CCDC39: variants seen among roughly 807,000 people sequenced by gnomAD.
The protein encoded by CCDC39 is coiled-coil domain-containing protein 39.
Under a neutral mutation model 121.0 loss-of-function variants are expected in CCDC39, and 113 were observed. That is an observed-to-expected ratio of 0.93 (90% CI 0.80 to 1.09). The LOEUF is 1.09. Ranked by LOEUF, CCDC39 falls within the 50% of genes least tolerant of loss-of-function variation. The pLI is 0.00. For synonymous variants in CCDC39, 349 were observed against 352.2 expected, an observed-to-expected ratio of 0.99 and a Z score of 0.10; for missense variants, 1,063 against 1,074.7, an observed-to-expected ratio of 0.99 and a Z score of 0.15.
intron 14 of CCDC39, among the ~76,000 whole-genome samples, chr3:180,626,222 T>C (rs1457207354): frequency 1.3e-5 from 2 of 152,122 alleles, no homozygotes; most frequent in South Asian, 2.1e-4. Context: ...CTTCAGACTC[T>C]AGCAGGACTG....
rs927484765 is a variant in CCDC39, at chr3:180,614,621, C to T, written c.*300G>A. The T allele has an allele frequency of 1.8e-4, 46 of 257,922 alleles. No individual in the cohort carries two copies. Among genetic ancestry groups the T allele is most frequent in the Non-Finnish European group, 3.1e-4 (42 of 136,328 alleles). The allele number at this position is 257,922 out of a possible 1,614,324, so 16.0% of individuals were successfully genotyped here. A position where few individuals can be genotyped will look rare whatever the true frequency, so the allele number is the denominator to read the frequency against. On this transcript the variant is annotated 3_prime_UTR_variant, in exon 20 of 20. Transcript: ENST00000476379. ...GTTACATTAGAAGTGAGTGTAGTTT[C>T]GTGAAATAATGAAGCAAACTATTTT...
intron 14 of CCDC39, among the ~76,000 whole-genome samples, chr3:180,626,916 C>G (rs532920442): frequency 6.6e-6 from 1 of 152,320 alleles, no homozygotes; most frequent in South Asian, 2.1e-4. Context: ...TGGCAAAATC[C>G]TAAATCTACT....
At chr3:180,662,064 A>T (rs1402898961) in intron 2 of CCDC39, 57 bp from the exon 3 acceptor site, 1 of 1,438,618 alleles carries the variant, frequency 7.0e-7, no homozygotes, top group Non-Finnish European at 9.3e-7. Context: ...TTTTGAATAC[A>T]AATATTTATA....
chr3:180,617,010 G>T, intron 16 of CCDC39, 44 bp from the exon 17 acceptor site: 2 of 1,052,924 alleles, frequency 1.9e-6, no homozygotes, highest in Non-Finnish European at 1.3e-6. Context: ...ATCAGAAATT[G>T]ACTTTTATAA....
chr3:180,624,318 A>T (rs994993540), intron 14 of CCDC39, among the ~76,000 whole-genome samples: 3 of 152,080 alleles, frequency 2.0e-5, no homozygotes, highest in African/African-American at 7.2e-5. Flanking sequence ...CAATAAGGTG[A>T]GTTTCATATA....
intron 14 of CCDC39, among the ~76,000 whole-genome samples, chr3:180,628,461 C>T (rs752412722): frequency 6.6e-6 from 1 of 152,172 alleles, no homozygotes; most frequent in Non-Finnish European, 1.5e-5. Flanking sequence ...CCCACCTCGG[C>T]CTCCCAAAAT....
chr3:180,665,520 AT>A (rs1032373851), intron 1 of CCDC39, among the ~76,000 whole-genome samples: 2 of 151,256 alleles, frequency 1.3e-5, no homozygotes, highest in African/African-American at 2.4e-5. Context: ...CTAATATTAA[AT>A]TTTTTTTTGC....
At chr3:180,645,414 G>A (rs965574796) in intron 11 of CCDC39, among the ~76,000 whole-genome samples, 2 of 151,170 alleles carry the variant, frequency 1.3e-5, no homozygotes, top group African/African-American at 4.9e-5. Flanking sequence ...TTCCCTTCTT[G>A]TTTCCTAAAT....
chr3:180,650,310 A>G (rs1042568021), intron 9 of CCDC39, among the ~76,000 whole-genome samples: 1 of 152,200 alleles, frequency 6.6e-6, no homozygotes, highest in Non-Finnish European at 1.5e-5. Flanking sequence ...CCCATTTACC[A>G]AAAAATTTTG....
Position 180,659,734 on chromosome 3 carries a change from TTC to T in CCDC39, c.550_551del (p.Glu184MetfsTer2). On this transcript the variant is annotated frameshift_variant, in exon 5 of 20. Transcript: ENST00000476379. LOFTEE classifies it high-confidence loss of function. ...LTLQLERLTL[E>X]CNQKRKILDN... ...CAAGTATCTTTCTTTTCTGATTACATTCCAAAGTTAGTCTTTCTAATTGCAGA... is the reference window on the plus strand; with the variant it reads ...CAAGTATCTTTCTTTTCTGATTACATCAAAGTTAGTCTTTCTAATTGCAGA... 6.2e-7 allele frequency: 1 copy of T among 1,612,448 alleles called. No individual in the cohort carries two copies. Among genetic ancestry groups the T allele is most frequent in the Non-Finnish European group, 8.5e-7 (1 of 1,179,262 alleles).
intron 13 of CCDC39, among the ~76,000 whole-genome samples, chr3:180,639,285 T>C (rs1207515371): frequency 1.3e-5 from 2 of 152,174 alleles, no homozygotes; most frequent in East Asian, 1.9e-4. Flanking sequence ...AAAATAGCCA[T>C]GCTCATCTTT....
intron 1 of CCDC39, among the ~76,000 whole-genome samples, chr3:180,674,599 G>A (rs1185181363): frequency 2.0e-5 from 3 of 152,152 alleles, no homozygotes; most frequent in Non-Finnish European, 2.9e-5. Context: ...CATTCAGTAT[G>A]ATATTAGCTG....
intron 1 of CCDC39, among the ~76,000 whole-genome samples, chr3:180,675,753 G>A (rs1462063982): frequency 2.0e-5 from 3 of 151,990 alleles, no homozygotes; most frequent in African/African-American, 7.3e-5. Flanking sequence ...TATACTACAA[G>A]GCTACAGTAA....
At chr3:180,624,953 C>T (rs1717522825) in intron 14 of CCDC39, among the ~76,000 whole-genome samples, 1 of 152,014 alleles carries the variant, frequency 6.6e-6, no homozygotes, top group Non-Finnish European at 1.5e-5. Context: ...TAACTTTTCT[C>T]TTGCAGTTTC....
At position 180,619,273 on chromosome 3, in the gene CCDC39, G is replaced by A; in HGVS notation, c.2251C>T (p.Gln751Ter). Residue 751 changes from glutamine to a stop codon, truncating the protein, a stop_gained, in exon 16 of 20, where the codon CAA (glutamine) becomes TAA (stop). Coordinates refer to ENST00000476379, the MANE Select transcript of CCDC39 (RefSeq NM_181426.2). LOFTEE classifies it high-confidence loss of function. ...GTAGAATTTACCTGGATGTCTTCTT[G>A]AAGTTCTCTGATTTGTCTTTGTTTG... ...RYKQRQIREL[Q>*]EDIQSMENTL... 1 of 1,526,388 alleles carries A rather than the reference G, an allele frequency of 6.6e-7. No homozygotes were observed. Among genetic ancestry groups the A allele is most frequent in the Non-Finnish European group, 8.9e-7 (1 of 1,124,696 alleles). 94.6% of individuals were successfully genotyped at this position (1,526,388 alleles called of 1,614,324 possible). A position where few individuals can be genotyped will look rare whatever the true frequency, so the allele number is the denominator to read the frequency against.
chr3:180,625,911 A>G (rs1197871814), intron 14 of CCDC39, among the ~76,000 whole-genome samples: 2 of 151,928 alleles, frequency 1.3e-5, no homozygotes, highest in African/African-American at 4.8e-5. Context: ...AGAGTAGCTT[A>G]TACTGTCACT....
intron 14 of CCDC39, among the ~76,000 whole-genome samples, chr3:180,628,626 C>T (rs910127558): frequency 6.6e-6 from 1 of 152,184 alleles, no homozygotes; most frequent in African/African-American, 2.4e-5. Flanking sequence ...AGTAATTAGA[C>T]TTTATGGGCC....
intron 10 of CCDC39, 52 bp from the exon 11 acceptor site, chr3:180,647,295 T>C (rs1718094090): frequency 1.4e-6 from 2 of 1,456,332 alleles, no homozygotes; most frequent in South Asian, 1.3e-5. Flanking sequence ...AAAGCATTTC[T>C]ACAAGTGTAA....
At chr3:180,665,845 T>C (rs1297075081) in intron 1 of CCDC39, among the ~76,000 whole-genome samples, 3 of 151,776 alleles carry the variant, frequency 2.0e-5, no homozygotes, top group African/African-American at 7.2e-5. Context: ...ATTTAATAAT[T>C]TTTAAAAATA....
Sources: gnomAD v4.1 joint callset for allele counts (sites outside exome capture counted in the v4.1 genomes callset) on GRCh38, gnomAD v4.1.1 for gene constraint, MANE v1.5 for transcripts, NCBI Gene and HGNC (gene_info 2026-07-23, HGNC 2026-07-21) for gene names.